KANK1: variants seen among roughly 807,000 people sequenced by gnomAD.
The protein encoded by KANK1 is KN motif and ankyrin repeat domains 1.
Under a neutral mutation model 106.2 loss-of-function variants are expected in KANK1, and 109 were observed. The observed-to-expected ratio is 1.03, with a 90% CI of 0.88 to 1.20. The LOEUF (loss-of-function observed/expected upper bound fraction) is 1.20, where lower values mean the gene tolerates loss of function less well. Ranked by LOEUF, KANK1 falls within the 50% of genes most tolerant of loss-of-function variation. The probability of loss-of-function intolerance (pLI) is 0.00; values close to 1 mark genes in which losing one functional copy is unlikely to be tolerated. For missense variants in KANK1, 2,399 were observed against 1,710.7 expected, an observed-to-expected ratio of 1.40 and a Z score of -7.10; for synonymous variants, 873 against 652.2, an observed-to-expected ratio of 1.34 and a Z score of -5.16.
intron 2 of KANK1, among the ~76,000 whole-genome samples, chr9:472,184 C>G (rs943729187): frequency 6.6e-6 from 1 of 152,228 alleles, no homozygotes; most frequent in Non-Finnish European, 1.5e-5. Context: ...TGCCCACAGT[C>G]TCTGTAAGGG....
intron 3 of KANK1, among the ~76,000 whole-genome samples, chr9:499,422 A>G (rs981860302): frequency 3.3e-5 from 5 of 152,222 alleles, no homozygotes; most frequent in African/African-American, 1.2e-4. Context: ...AAAGATGTAC[A>G]GAAGCCCCAG....
intron 1 of KANK1, among the ~76,000 whole-genome samples, chr9:545,551 G>C (rs1469961150): frequency 6.6e-6 from 1 of 152,014 alleles, no homozygotes; most frequent in Non-Finnish European, 1.5e-5. Context: ...TGGACAGAAA[G>C]GGTGGAGGAA....
chr9:707,190 C>T (rs1316383470), intron 2 of KANK1: 9 of 985,886 alleles, frequency 9.1e-6, no homozygotes, highest in Non-Finnish European at 1.1e-5. Flanking sequence ...TCCGGCTGAG[C>T]TGGAGCGAGC....
chr9:540,584 G>A (rs1401260992), intron 1 of KANK1: 1 of 152,200 alleles, frequency 6.6e-6, no homozygotes, highest in African/African-American at 2.4e-5. Context: ...AGTTTAAGAA[G>A]GGTTGGTGTT....
chr9:498,119 C>T (rs575388892), intron 3 of KANK1, among the ~76,000 whole-genome samples: 1 of 152,166 alleles, frequency 6.6e-6, no homozygotes, highest in Non-Finnish European at 1.5e-5. Context: ...TTGATCCTTA[C>T]TGCAACTTAA....
chr9:572,335 G>C (rs1819417220), intron 1 of KANK1, among the ~76,000 whole-genome samples: 1 of 151,574 alleles, frequency 6.6e-6, no homozygotes, highest in South Asian at 2.1e-4. Context: ...CGGATCATGA[G>C]GTCAAGAGAT....
intron 3 of KANK1, among the ~76,000 whole-genome samples, chr9:720,179 T>C (rs7043585): frequency 0.75 from 113,310 of 152,032 alleles, 42,212 homozygotes; most frequent in East Asian, 0.81. Context: ...TGTTTATGGC[T>C]GTTATAAGTT....
At chr9:685,045 T>C (rs931294453) in intron 2 of KANK1, among the ~76,000 whole-genome samples, 4 of 152,212 alleles carry the variant, frequency 2.6e-5, no homozygotes, top group African/African-American at 9.7e-5. Context: ...ACTCTTTTCT[T>C]TTTCCTTCCT....
At chr9:591,605 C>T (rs567535524) in intron 1 of KANK1, among the ~76,000 whole-genome samples, 20 of 151,872 alleles carry the variant, frequency 1.3e-4, no homozygotes, top group African/African-American at 4.9e-4. Context: ...AGTTTCTTTG[C>T]TTGGGAAATG....
At chr9:598,615 G>GTTTTTTTTTTTTTTTTTTT (rs1306483082) in intron 1 of KANK1, among the ~76,000 whole-genome samples, 1 of 73,332 alleles carries the variant, frequency 1.4e-5, no homozygotes, top group Admixed American at 1.6e-4. Flanking sequence ...TGTTTTGTTG[G>GTTTTTTTTTTTTTTTTTTT]TTTTCTTTTT....
At chr9:565,857 G>A (rs1299982167) in intron 1 of KANK1, among the ~76,000 whole-genome samples, 2 of 152,024 alleles carry the variant, frequency 1.3e-5, no homozygotes, top group Non-Finnish European at 1.5e-5. Context: ...TTATACCTAC[G>A]CTTTTAACAA....
At chr9:578,329 C>A (rs1821135377) in intron 1 of KANK1, among the ~76,000 whole-genome samples, 1 of 149,694 alleles carries the variant, frequency 6.7e-6, no homozygotes, top group African/African-American at 2.5e-5. Context: ...TATTTTTCAA[C>A]TGTGTGTGTG....
intron 2 of KANK1, among the ~76,000 whole-genome samples, chr9:698,699 C>T (rs1339257793): frequency 6.6e-6 from 1 of 152,124 alleles, no homozygotes; most frequent in South Asian, 2.1e-4. Context: ...CAGAACTTAT[C>T]TTACTATTAC....
At chr9:529,783 G>A (rs2059976785) in intron 1 of KANK1, among the ~76,000 whole-genome samples, 1 of 152,188 alleles carries the variant, frequency 6.6e-6, no homozygotes, top group African/African-American at 2.4e-5. Context: ...ACACGTGATA[G>A]TGCCATGTGT....
chr9:741,408 C>G (rs1373682120), intron 9 of KANK1, among the ~76,000 whole-genome samples: 1 of 151,652 alleles, frequency 6.6e-6, no homozygotes. Context: ...CAACCACCCC[C>G]GGCTCCCTGG....
intron 1 of KANK1, among the ~76,000 whole-genome samples, chr9:675,943 A>G (rs549342106): frequency 5.9e-5 from 9 of 152,288 alleles, no homozygotes; most frequent in African/African-American, 2.2e-4. Flanking sequence ...TTTTTAGACC[A>G]TATAGGATAA....
intron 3 of KANK1, among the ~76,000 whole-genome samples, chr9:723,429 C>G (rs7047065): frequency 6.6e-6 from 1 of 151,856 alleles, no homozygotes; most frequent in African/African-American, 2.4e-5. Context: ...GCGTATACAT[C>G]TACCAAATTC....
intron 1 of KANK1, among the ~76,000 whole-genome samples, chr9:643,276 C>T (rs1226937791): frequency 1.3e-5 from 2 of 150,830 alleles, no homozygotes; most frequent in African/African-American, 5.0e-5. Flanking sequence ...GCATCAAAGC[C>T]ACTGCCTTTA....
At chr9:674,229 T>C (rs1815891332) in intron 1 of KANK1, 1 of 152,080 alleles carries the variant, frequency 6.6e-6, no homozygotes, top group Non-Finnish European at 1.5e-5. Context: ...TCAGGGAGAT[T>C]GGAGCCATCC....
Sources: allele counts gnomAD v4.1 joint callset (sites outside exome capture counted in the v4.1 genomes callset), GRCh38; gene constraint gnomAD v4.1.1; transcripts MANE v1.5; gene names NCBI Gene and HGNC (gene_info 2026-07-23, HGNC 2026-07-21).